SH3GL3: variants seen among roughly 807,000 people sequenced by gnomAD.
SH3GL3 encodes the protein endophilin-A3.
Under a neutral mutation model 47.7 loss-of-function variants are expected in SH3GL3, and 33 were observed. The ratio of observed to expected loss-of-function variants is 0.69; its 90% CI spans 0.52 to 0.92. The LOEUF (loss-of-function observed/expected upper bound fraction) is 0.92, where lower values mean the gene tolerates loss of function less well. SH3GL3 is among the 40% of genes least tolerant of loss of function. The pLI is 0.00. For synonymous variants in SH3GL3, 155 were observed against 148.8 expected (o/e 1.04, Z -0.30); for missense variants, 363 against 417.8 (o/e 0.87, Z 1.14).
At chr15:83,453,563 C>A (rs1365840409) in intron 1 of SH3GL3, among the ~76,000 whole-genome samples, 9 of 151,670 alleles carry the variant, frequency 5.9e-5, no homozygotes, top group Admixed American at 2.0e-4. Context: ...GGAATGTATC[C>A]ATTTCTTCTA....
At chr15:83,574,125 AG>A (rs984954237) in intron 5 of SH3GL3, among the ~76,000 whole-genome samples, 1 of 152,096 alleles carries the variant, frequency 6.6e-6, no homozygotes, top group Non-Finnish European at 1.5e-5. Context: ...TGATATGGCC[AG>A]GGGATAGGGT....
intron 1 of SH3GL3, among the ~76,000 whole-genome samples, chr15:83,519,409 G>T (rs1432542450): frequency 6.6e-6 from 1 of 152,110 alleles, no homozygotes; most frequent in Non-Finnish European, 1.5e-5. Context: ...GCATTCGTAG[G>T]TAATTTTTTG....
intron 1 of SH3GL3, among the ~76,000 whole-genome samples, chr15:83,545,251 A>C (rs780294159): frequency 6.6e-6 from 1 of 151,970 alleles, no homozygotes; most frequent in Non-Finnish European, 1.5e-5. Context: ...TGTATTTTCA[A>C]ATAGGCTTGC....
downstream of SH3GL3, among the ~76,000 whole-genome samples, chr15:83,621,381 T>C (rs904424732): frequency 6.6e-6 from 1 of 152,160 alleles, no homozygotes. Context: ...GGGTTACTAA[T>C]TGGCCTAATT....
chr15:83,582,037 C>A (rs1189232272), intron 6 of SH3GL3, among the ~76,000 whole-genome samples: 1 of 152,196 alleles, frequency 6.6e-6, no homozygotes, highest in Non-Finnish European at 1.5e-5. Flanking sequence ...CCAGGGCAGC[C>A]CTCCTCTTGG....
chr15:83,546,757 T>C (rs1375457617), intron 1 of SH3GL3, among the ~76,000 whole-genome samples: 1 of 152,176 alleles, frequency 6.6e-6, no homozygotes, highest in Non-Finnish European at 1.5e-5. Flanking sequence ...GGCTCATTAG[T>C]CAGCAGGTAG....
chr15:83,448,166 C>T lies in SH3GL3; in HGVS notation c.45+588C>T, dbSNP rs2039539928. ...CTCCCCACCGTCTTCCCGGTGTCGG[C>T]CCGGGGCTGGGCATCACGCTTCTGC... On this transcript the variant is annotated intron_variant, in intron 1 of 8. Transcript: ENST00000427482. This position sits in a 1 kb window ranked among gnomAD's most constrained non-coding sequence, Gnocchi z 4.2. 6.6e-6 allele frequency among the ~76,000 whole-genome samples: 1 copy of T among 152,186 alleles called. No individual in the cohort carries two copies. Among genetic ancestry groups the T allele is most frequent in the Non-Finnish European group, 1.5e-5 (1 of 68,026 alleles).
At chr15:83,590,659 T>C (rs560040067) in intron 8 of SH3GL3, among the ~76,000 whole-genome samples, 148 of 152,322 alleles carry the variant, frequency 9.7e-4, no homozygotes, top group African/African-American at 3.5e-3. Context: ...TTGCATTTCC[T>C]TAGTGACTAA....
At chr15:83,475,364 A>T (rs1426694256) in intron 1 of SH3GL3, among the ~76,000 whole-genome samples, 2 of 152,060 alleles carry the variant, frequency 1.3e-5, no homozygotes, top group Non-Finnish European at 2.9e-5. Flanking sequence ...CTGTAATCCC[A>T]GCTACTCGGG....
chr15:83,484,908 T>G (rs188829252), intron 1 of SH3GL3, among the ~76,000 whole-genome samples: 6 of 152,224 alleles, frequency 3.9e-5, no homozygotes, highest in Non-Finnish European at 8.8e-5. Context: ...CGAACAACAA[T>G]GTGTCTTAAT....
At chr15:83,484,645 G>GATT (rs2041513225) in intron 1 of SH3GL3, among the ~76,000 whole-genome samples, 1 of 151,440 alleles carries the variant, frequency 6.6e-6, no homozygotes, top group Non-Finnish European at 1.5e-5. Flanking sequence ...ATCTAATCTA[G>GATT]AACTATTCAA....
the SH3GL3 span, among the ~76,000 whole-genome samples, chr15:83,627,698 A>G: frequency 3.7e-4 from 57 of 152,200 alleles, no homozygotes; most frequent in Non-Finnish European, 6.8e-4. Context: ...TAAAGCCCCC[A>G]AATGATCCTA....
chr15:83,517,718 T>G (rs1042516715), intron 1 of SH3GL3, among the ~76,000 whole-genome samples: 2 of 152,146 alleles, frequency 1.3e-5, no homozygotes, highest in East Asian at 3.9e-4. Flanking sequence ...TTATTTATTT[T>G]GCAGATCTCT....
intron 1 of SH3GL3, among the ~76,000 whole-genome samples, chr15:83,477,032 A>G (rs987924688): frequency 6.6e-6 from 1 of 152,192 alleles, no homozygotes; most frequent in African/African-American, 2.4e-5. Context: ...TTCAGGAGCT[A>G]CAAGTACCAA....
chr15:83,607,870 TA>T (rs2060563185), intron 8 of SH3GL3, among the ~76,000 whole-genome samples: 3 of 146,996 alleles, frequency 2.0e-5, no homozygotes, highest in Non-Finnish European at 3.0e-5. Flanking sequence ...ATAATAATAA[TA>T]ATAATAATAC....
At chr15:83,631,565 C>G in the SH3GL3 span, among the ~76,000 whole-genome samples, 1 of 152,234 alleles carries the variant, frequency 6.6e-6, no homozygotes, top group Non-Finnish European at 1.5e-5. Context: ...AGGCCCAACA[C>G]CATGTGTAAG....
intron 8 of SH3GL3, among the ~76,000 whole-genome samples, chr15:83,591,115 C>T (rs955737237): frequency 6.6e-6 from 1 of 152,188 alleles, no homozygotes; most frequent in Admixed American, 6.5e-5. Context: ...TCAAGCAATT[C>T]TCCTGCCTCA....
intron 5 of SH3GL3, 40 bp downstream of exon 5, chr15:83,572,738 A>G (rs1190978492): frequency 6.9e-7 from 1 of 1,450,270 alleles, no homozygotes; most frequent in South Asian, 1.2e-5. Flanking sequence ...TTGCTACATA[A>G]GATGATGTTT....
intron 1 of SH3GL3, among the ~76,000 whole-genome samples, chr15:83,495,101 G>A (rs2042029232): frequency 6.6e-6 from 1 of 152,082 alleles, no homozygotes; most frequent in Non-Finnish European, 1.5e-5. Context: ...TGGTCCCCCC[G>A]GTTCTGTCTG....
Sources: allele counts gnomAD v4.1 joint callset (sites outside exome capture counted in the v4.1 genomes callset), GRCh38; gene constraint gnomAD v4.1.1; non-coding constraint Gnocchi (gnomAD v3.1); transcripts MANE v1.5; gene names NCBI Gene and HGNC (gene_info 2026-07-23, HGNC 2026-07-21).